LAMA2: variants seen among roughly 807,000 people sequenced by gnomAD.
The protein encoded by LAMA2 is laminin subunit alpha 2.
In LAMA2, 269 loss-of-function variants were observed where a neutral mutation model predicts 364.8. The ratio of observed to expected loss-of-function variants is 0.74; its 90% CI spans 0.67 to 0.82. The LOEUF is 0.82. LAMA2 is among the 40% of genes least tolerant of loss of function. The pLI is 0.00. For missense variants in LAMA2, 3,807 were observed against 3,873.2 expected, an observed-to-expected ratio of 0.98 and a Z score of 0.45; for synonymous variants, 1,379 against 1,370.6, an observed-to-expected ratio of 1.01 and a Z score of -0.14.
intron 27 of LAMA2, among the ~76,000 whole-genome samples, chr6:129,318,209 G>A (rs1020025072): frequency 2.0e-5 from 3 of 152,118 alleles, no homozygotes; most frequent in African/African-American, 7.2e-5. Flanking sequence ...CAAAAGCAGA[G>A]AGTTTAAGAG....
intron 6 of LAMA2, among the ~76,000 whole-genome samples, 169 bp downstream of exon 6, chr6:129,147,217 G>A (rs1778513665): frequency 6.6e-6 from 1 of 150,632 alleles, no homozygotes; most frequent in African/African-American, 2.4e-5. Context: ...TAGGATGATA[G>A]ACTTTGAAAT....
chr6:129,404,238 C>T (rs186367501), intron 40 of LAMA2, among the ~76,000 whole-genome samples: 1 of 152,060 alleles, frequency 6.6e-6, no homozygotes, highest in East Asian at 1.9e-4. Context: ...GCAAAGACAA[C>T]ACTCTGGATA....
intron 3 of LAMA2, among the ~76,000 whole-genome samples, chr6:129,069,500 G>A (rs963390928): frequency 5.4e-5 from 8 of 148,586 alleles, no homozygotes; most frequent in Middle Eastern, 3.6e-3. Context: ...TGAAGAGACC[G>A]TATTTATTAT....
At chr6:128,992,436 T>C (rs774165178) in intron 1 of LAMA2, among the ~76,000 whole-genome samples, 8 of 152,246 alleles carry the variant, frequency 5.3e-5, no homozygotes, top group Non-Finnish European at 1.0e-4. Context: ...AAGACATTTG[T>C]TATTCTGTGG....
intron 34 of LAMA2, among the ~76,000 whole-genome samples, chr6:129,371,485 A>T (rs2114630502): frequency 6.6e-6 from 1 of 152,190 alleles, no homozygotes; most frequent in Non-Finnish European, 1.5e-5. Flanking sequence ...ACTTTTTGGG[A>T]GTCTCTCATG....
intron 29 of LAMA2, among the ~76,000 whole-genome samples, chr6:129,330,004 G>A (rs550882590): frequency 8.7e-4 from 132 of 151,924 alleles, no homozygotes; most frequent in African/African-American, 3.1e-3. Context: ...GCACATGTGA[G>A]GGATCTAGGT....
chr6:128,989,624 C>T (rs185702313), intron 1 of LAMA2, among the ~76,000 whole-genome samples: 9 of 152,236 alleles, frequency 5.9e-5, no homozygotes. Context: ...AGTAGGTGCT[C>T]CTAAATGGTA....
chr6:129,221,381 A>C (rs993446905), intron 12 of LAMA2, among the ~76,000 whole-genome samples: 2 of 148,922 alleles, frequency 1.3e-5, no homozygotes, highest in African/African-American at 5.1e-5. Flanking sequence ...TAATAAGGAA[A>C]GGCCAAACTG....
chr6:129,004,554 T>G (rs184941683), intron 1 of LAMA2, among the ~76,000 whole-genome samples: 151 of 152,286 alleles, frequency 9.9e-4, no homozygotes, highest in African/African-American at 3.3e-3. Flanking sequence ...CAGGGATAGT[T>G]TTTGTTCTGT....
chr6:129,331,533 C>T (rs927208682), intron 29 of LAMA2, among the ~76,000 whole-genome samples: 3 of 152,106 alleles, frequency 2.0e-5, no homozygotes, highest in African/African-American at 7.2e-5. Flanking sequence ...TTTTCTATTA[C>T]TTTGGATGAA....
At chr6:128,975,335 C>T (rs1346509315) in intron 1 of LAMA2, among the ~76,000 whole-genome samples, 1 of 152,054 alleles carries the variant, frequency 6.6e-6, no homozygotes, top group East Asian at 1.9e-4. Context: ...AGGAGAATTT[C>T]AGGCAAATAA....
At chr6:129,430,782 G>T (rs1781550845) in intron 41 of LAMA2, among the ~76,000 whole-genome samples, 1 of 152,132 alleles carries the variant, frequency 6.6e-6, no homozygotes, top group South Asian at 2.1e-4. Flanking sequence ...GGCAGAGGTT[G>T]CAGTGAGCCA....
intron 29 of LAMA2, among the ~76,000 whole-genome samples, chr6:129,330,591 GGTTTTTGTT>G (rs1262948245): frequency 6.0e-5 from 5 of 83,822 alleles, no homozygotes; most frequent in Admixed American, 3.0e-4. Context: ...GTTGTTGTTT[GGTTTTTGTT>G]TTTTTTTTTT....
chr6:129,028,963 A>G (rs994811503), intron 1 of LAMA2, among the ~76,000 whole-genome samples: 2 of 151,904 alleles, frequency 1.3e-5, no homozygotes, highest in Non-Finnish European at 1.5e-5. Context: ...GACATGCCCA[A>G]ATCCACCAAG....
At chr6:129,209,760 T>G (rs1329466408) in intron 12 of LAMA2, among the ~76,000 whole-genome samples, 1 of 152,020 alleles carries the variant, frequency 6.6e-6, no homozygotes, top group Non-Finnish European at 1.5e-5. Context: ...TCCCAGCACT[T>G]TGGGAGGCTG....
chr6:129,293,803 AAAG>A (rs1326329875), intron 20 of LAMA2, among the ~76,000 whole-genome samples: 5 of 152,194 alleles, frequency 3.3e-5, no homozygotes, highest in South Asian at 2.1e-4. Context: ...AATAAAAAGT[AAAG>A]AAGAAGAAGT....
intron 1 of LAMA2, among the ~76,000 whole-genome samples, chr6:128,953,563 A>G (rs1213308501): frequency 6.6e-6 from 1 of 151,534 alleles, no homozygotes; most frequent in Admixed American, 6.6e-5. Flanking sequence ...TGTAGTATGT[A>G]TATTTGTGCA....
chr6:129,340,963 A>G (rs1361942647), intron 29 of LAMA2, among the ~76,000 whole-genome samples: 1 of 152,226 alleles, frequency 6.6e-6, no homozygotes, highest in Non-Finnish European at 1.5e-5. Flanking sequence ...AATTTCAAAT[A>G]TAACACCAAA....
Position 129,252,182 on chromosome 6 carries a change from C to G in LAMA2, c.1983C>G (p.Thr661=). 1 of 1,613,264 alleles carries G rather than the reference C, an allele frequency of 6.2e-7. No homozygotes were observed. Among genetic ancestry groups the G allele is most frequent in the East Asian group, 2.2e-5 (1 of 44,844 alleles). ...NVLLLKEESF[T]IHGTHFPVRR... ...TGTTACTTAAAGAAGAATCATTTAC[C>G]ATACATGGCACACATTTTCCAGTCC... is the stretch of plus-strand genomic sequence containing the variant. Residue 661 remains threonine (T), a synonymous_variant, in exon 14 of 65, where the codon ACC becomes ACG. Coordinates refer to ENST00000421865, the MANE Select transcript of LAMA2 (RefSeq NM_000426.4).
Sources: allele counts gnomAD v4.1 joint callset (sites outside exome capture counted in the v4.1 genomes callset), GRCh38; gene constraint gnomAD v4.1.1; transcripts MANE v1.5; gene names NCBI Gene and HGNC (gene_info 2026-07-23, HGNC 2026-07-21).